Variants in SNTG1 observed in about 807,000 individuals in gnomAD.
The protein encoded by SNTG1 is syntrophin gamma 1, also known as gamma-1-syntrophin.
SNTG1 carries 39 observed loss-of-function variants against 74.7 expected under a neutral mutation model. The ratio of observed to expected loss-of-function variants is 0.52; its 90% CI spans 0.40 to 0.68. The LOEUF (loss-of-function observed/expected upper bound fraction) is 0.68. Among genes scored for constraint, SNTG1 ranks in the 30% least tolerant of loss-of-function variants. The pLI, the probability that SNTG1 is intolerant of heterozygous loss-of-function variation, is 0.00. For synonymous variants in SNTG1, 254 were observed against 217.1 expected, an observed-to-expected ratio of 1.17 and a Z score of -1.49; for missense variants, 685 against 609.5, an observed-to-expected ratio of 1.12 and a Z score of -1.30.
intron 2 of SNTG1, among the ~76,000 whole-genome samples, chr8:50,250,581 C>T (rs1427957541): frequency 6.6e-6 from 1 of 152,064 alleles, no homozygotes; most frequent in Non-Finnish European, 1.5e-5. Context: ...TGTCAAGTTA[C>T]ATATAGGGGA....
In SNTG1 at chr8:50,402,357, T is replaced by C; in HGVS notation, c.162+13T>C. 1.3e-6 allele frequency: 2 copies of C among 1,569,306 alleles called. No homozygotes were observed. Among genetic ancestry groups the C allele is most frequent in the East Asian group, 2.3e-5 (1 of 44,362 alleles). On this transcript the variant is annotated intron_variant, in intron 4 of 18. Transcript: ENST00000642720. ...TTTCTATTCTGGTGTAAGTAGCTTT[T>C]TCTTCTGTTGAAATTTTTTGTGTTT...
intron 13 of SNTG1, among the ~76,000 whole-genome samples, chr8:50,629,534 G>C (rs181544294): frequency 1.3e-5 from 2 of 152,002 alleles, no homozygotes; most frequent in East Asian, 3.9e-4. Context: ...ACAGAATTCT[G>C]TTAAGATACA....
chr8:50,111,994 T>G (rs1162110865), intron 1 of SNTG1, among the ~76,000 whole-genome samples: 1 of 152,082 alleles, frequency 6.6e-6, no homozygotes, highest in African/African-American at 2.4e-5. Flanking sequence ...AAAAGGTGAA[T>G]GAATTATTTT....
chr8:50,254,853 G>GAAAAA (rs11377291), intron 2 of SNTG1, among the ~76,000 whole-genome samples: 2 of 142,588 alleles, frequency 1.4e-5, no homozygotes, highest in Non-Finnish European at 3.0e-5. Flanking sequence ...ACTCCTCAAA[G>GAAAAA]AAAAAAAAAA....
At chr8:49,994,905 A>G (rs1240940078) in intron 1 of SNTG1, among the ~76,000 whole-genome samples, 1 of 152,192 alleles carries the variant, frequency 6.6e-6, no homozygotes, top group Non-Finnish European at 1.5e-5. Context: ...AGGACACTTT[A>G]TTATTTCAAT....
chr8:50,464,952 G>A (rs1344604446), intron 8 of SNTG1, among the ~76,000 whole-genome samples: 5 of 143,558 alleles, frequency 3.5e-5, no homozygotes, highest in African/African-American at 5.2e-5. Context: ...CATGCTGTTG[G>A]AAAAAAAAAA....
At chr8:50,112,648 G>C (rs111889522) in intron 1 of SNTG1, among the ~76,000 whole-genome samples, 1 of 147,334 alleles carries the variant, frequency 6.8e-6, no homozygotes, top group Admixed American at 7.1e-5. Context: ...TCAGGCTTCC[G>C]AGTAGCTGGG....
chr8:50,484,100 CT>C (rs771923192), intron 8 of SNTG1, among the ~76,000 whole-genome samples: 1 of 104,332 alleles, frequency 9.6e-6, no homozygotes. Flanking sequence ...CTCTTTCTTT[CT>C]CTCTTTCTTT....
chr8:50,679,884 A>C (rs569263304), intron 15 of SNTG1, among the ~76,000 whole-genome samples: 5 of 152,138 alleles, frequency 3.3e-5, no homozygotes, highest in Non-Finnish European at 7.4e-5. Context: ...CAGTATGTAA[A>C]GGAAATTGAG....
chr8:50,010,515 G>A (rs530663354), intron 1 of SNTG1, among the ~76,000 whole-genome samples: 37 of 152,032 alleles, frequency 2.4e-4, no homozygotes, highest in Non-Finnish European at 5.3e-4. Flanking sequence ...ATGTATGATA[G>A]GATTACTAAC....
At chr8:50,143,804 T>C (rs1386211553) in intron 1 of SNTG1, among the ~76,000 whole-genome samples, 1 of 152,208 alleles carries the variant, frequency 6.6e-6, no homozygotes, top group Non-Finnish European at 1.5e-5. Context: ...ATTTAGTTGA[T>C]AATGGGGAGT....
intron 1 of SNTG1, chr8:50,164,148 G>T (rs569395145): frequency 4.6e-4 from 52 of 113,520 alleles, no homozygotes; most frequent in Non-Finnish European, 7.4e-4. Context: ...TGCTGAATAT[G>T]CTTAAACTAT....
chr8:50,728,668 C>T (rs762227285), intron 17 of SNTG1, among the ~76,000 whole-genome samples: 2 of 152,136 alleles, frequency 1.3e-5, no homozygotes, highest in Non-Finnish European at 2.9e-5. Context: ...TCAGGTTGGG[C>T]TCATGTGTGG....
chr8:50,310,374 A>G (rs1343529526), intron 2 of SNTG1, among the ~76,000 whole-genome samples: 2 of 152,208 alleles, frequency 1.3e-5, no homozygotes, highest in Non-Finnish European at 2.9e-5. Context: ...AAGAAGCTTA[A>G]ACAGTCGCAA....
intron 2 of SNTG1, among the ~76,000 whole-genome samples, chr8:50,177,301 C>G (rs1300622596): frequency 6.6e-6 from 1 of 152,112 alleles, no homozygotes; most frequent in Non-Finnish European, 1.5e-5. Flanking sequence ...TCTGCTCAGT[C>G]CTGCCTTCTT....
chr8:50,229,045 G>A (rs1332404212), intron 2 of SNTG1, among the ~76,000 whole-genome samples: 1 of 151,704 alleles, frequency 6.6e-6, no homozygotes, highest in Middle Eastern at 3.4e-3. Context: ...TACAAGTAAA[G>A]TGGTTTATTG....
At chr8:49,970,913 G>C (rs1050940140) in intron 1 of SNTG1, among the ~76,000 whole-genome samples, 3 of 152,158 alleles carry the variant, frequency 2.0e-5, no homozygotes, top group African/African-American at 7.2e-5. Flanking sequence ...GATGAAAAGA[G>C]TCTGGCTGAT....
At chr8:50,073,190 G>T (rs527470606) in intron 1 of SNTG1, among the ~76,000 whole-genome samples, 1 of 152,274 alleles carries the variant, frequency 6.6e-6, no homozygotes, top group Non-Finnish European at 1.5e-5. Context: ...CTCAAACCCT[G>T]TCACTAATTA....
chr8:50,707,288 G>C (rs2095446465), intron 16 of SNTG1, among the ~76,000 whole-genome samples: 1 of 151,960 alleles, frequency 6.6e-6, no homozygotes, highest in Non-Finnish European at 1.5e-5. Flanking sequence ...AAACCATTAT[G>C]TCTAAATTAG....
Sources: gnomAD v4.1 joint callset for allele counts (sites outside exome capture counted in the v4.1 genomes callset) on GRCh38, gnomAD v4.1.1 for gene constraint, MANE v1.5 for transcripts, NCBI Gene and HGNC (gene_info 2026-07-23, HGNC 2026-07-21) for gene names.